The following KCMF1 variants were observed in gnomAD, a reference collection of about 807,000 sequenced individuals.
KCMF1 encodes the protein E3 ubiquitin-protein ligase KCMF1.
Under a neutral mutation model 41.1 loss-of-function variants are expected in KCMF1, and 3 were observed. The ratio of observed to expected loss-of-function variants is 0.07; its 90% CI spans 0.03 to 0.19. The LOEUF (loss-of-function observed/expected upper bound fraction) is 0.19. Ranked by LOEUF, KCMF1 falls within the 10% of genes least tolerant of loss-of-function variation. The probability of loss-of-function intolerance (pLI) is 1.00; values close to 1 mark genes in which losing one functional copy is unlikely to be tolerated. For missense variants in KCMF1, 286 were observed against 488.9 expected, an observed-to-expected ratio of 0.58 and a Z score of 3.91; for synonymous variants, 142 against 164.5, an observed-to-expected ratio of 0.86 and a Z score of 1.04.
At chr2:85,011,994 G>C (rs1674664404) in intron 1 of KCMF1, among the ~76,000 whole-genome samples, 1 of 152,200 alleles carries the variant, frequency 6.6e-6, no homozygotes, top group Admixed American at 6.5e-5. Context: ...CCATTTCCTA[G>C]ACCCAGCAGA....
intron 1 of KCMF1, among the ~76,000 whole-genome samples, chr2:84,990,652 TA>T (rs111732751): frequency 0.15 from 21,801 of 145,814 alleles, 2,293 homozygotes; most frequent in East Asian, 0.35. Flanking sequence ...CTGTTTTAAT[TA>T]AAAAAAAAAA....
At chr2:85,019,788 A>G (rs2104016211) in intron 1 of KCMF1, among the ~76,000 whole-genome samples, 1 of 151,902 alleles carries the variant, frequency 6.6e-6, no homozygotes, top group African/African-American at 2.4e-5. Context: ...GTATATATAT[A>G]CGTATATATG....
chr2:85,024,650 CTACTT>C (rs1237826315), intron 1 of KCMF1, among the ~76,000 whole-genome samples: 1 of 150,956 alleles, frequency 6.6e-6, no homozygotes, highest in African/African-American at 2.4e-5. Context: ...AAATTGTTTT[CTACTT>C]TAGACTCATA....
At chr2:84,999,772 A>G (rs1674282655) in intron 1 of KCMF1, among the ~76,000 whole-genome samples, 1 of 152,218 alleles carries the variant, frequency 6.6e-6, no homozygotes, top group Non-Finnish European at 1.5e-5. Context: ...TACTTTCCAC[A>G]TGGAAAAATA....
chr2:85,004,302 G>A (rs928394505), intron 1 of KCMF1, among the ~76,000 whole-genome samples: 2 of 152,088 alleles, frequency 1.3e-5, no homozygotes, highest in African/African-American at 4.8e-5. Flanking sequence ...ACGATGTCAG[G>A]AGATTGAGAC....
rs886578458 is a variant in KCMF1 at position 85,018,723 on chromosome 2, G to C, written c.17-9166G>C. Among the ~76,000 whole-genome samples, 8 of 151,144 alleles carry C rather than the reference G, an allele frequency of 5.3e-5. No individual in the cohort carries two copies. In the South Asian group the frequency reaches 6.2e-4, roughly 12 times the overall value. Reference sequence around the variant, plus strand: ...TATCTAGACAACTAGTGGTTATTCAGCTTTGCCTCTCAAGGCATTATTTTA... The same window carrying C: ...TATCTAGACAACTAGTGGTTATTCACCTTTGCCTCTCAAGGCATTATTTTA... On this transcript the variant is annotated intron_variant, in intron 1 of 6. Coordinates refer to ENST00000409785, the MANE Select transcript of KCMF1 (RefSeq NM_020122.5).
At chr2:84,978,505 T>G (rs1347073140) in intron 1 of KCMF1, among the ~76,000 whole-genome samples, 1 of 151,886 alleles carries the variant, frequency 6.6e-6, no homozygotes, top group Non-Finnish European at 1.5e-5. Flanking sequence ...TTTTGGGTTT[T>G]TTTTTTTTTA....
intron 3 of KCMF1, among the ~76,000 whole-genome samples, chr2:85,042,620 C>G (rs963012035): frequency 6.6e-6 from 1 of 152,154 alleles, no homozygotes; most frequent in Non-Finnish European, 1.5e-5. Flanking sequence ...TGGTCATGCC[C>G]CTTGCTTCAG....
chr2:85,024,885 C>T (rs774355866), intron 1 of KCMF1, among the ~76,000 whole-genome samples: 4 of 152,128 alleles, frequency 2.6e-5, no homozygotes, highest in Non-Finnish European at 5.9e-5. Context: ...CAGATTTCAA[C>T]ATCTGTTTCT....
intron 1 of KCMF1, among the ~76,000 whole-genome samples, chr2:84,990,927 C>T (rs1015493641): frequency 1.3e-5 from 2 of 152,096 alleles, no homozygotes; most frequent in Non-Finnish European, 2.9e-5. Flanking sequence ...TTGATTCTTG[C>T]TCAAAACCCA....
chr2:85,052,137 T>A (rs1033452877), intron 6 of KCMF1, among the ~76,000 whole-genome samples: 1 of 152,238 alleles, frequency 6.6e-6, no homozygotes. Context: ...TGGCACGATC[T>A]CGGCTCACTG....
At chr2:85,020,180 C>G (rs1467132125) in intron 1 of KCMF1, among the ~76,000 whole-genome samples, 3 of 152,176 alleles carry the variant, frequency 2.0e-5, no homozygotes, top group African/African-American at 7.2e-5. Flanking sequence ...TTCATCTATA[C>G]TTGCCAGTAG....
At chr2:85,004,016 G>A (rs1408514160) in intron 1 of KCMF1, among the ~76,000 whole-genome samples, 1 of 152,144 alleles carries the variant, frequency 6.6e-6, no homozygotes, top group East Asian at 1.9e-4. Context: ...CTGATAACCA[G>A]CTGCTAAGTG....
chr2:84,987,157 A>C (rs549516843), intron 1 of KCMF1, among the ~76,000 whole-genome samples: 3 of 152,328 alleles, frequency 2.0e-5, no homozygotes, highest in East Asian at 3.9e-4. Context: ...GGTGGGAGCA[A>C]GGTAGATAAG....
intron 1 of KCMF1, among the ~76,000 whole-genome samples, chr2:85,008,120 G>C (rs1674516966): frequency 6.6e-6 from 1 of 150,866 alleles, no homozygotes; most frequent in Admixed American, 6.7e-5. Context: ...CTGAACCTCT[G>C]TTCCTAGAGG....
rs181326049 is a variant in KCMF1 at position 84,980,912 on chromosome 2, A to G, written c.16+9445A>G. 2.2e-3 allele frequency among the ~76,000 whole-genome samples: 338 copies of G among 152,102 alleles called. 1 individual carries two copies. Among genetic ancestry groups the G allele is most frequent in the African/African-American group, 7.5e-3 (312 of 41,490 alleles). On this transcript the variant is annotated intron_variant, in intron 1 of 6. Transcript: ENST00000409785. ...TGCCTCGGCCTCACAATGTGCTGGG[A>G]TTATAGGTGTGAAGCACCACACCCA...
chr2:84,982,389 CTTTTTTTTTTTTTTTTTTT>C (rs34687477), intron 1 of KCMF1, among the ~76,000 whole-genome samples: 28 of 47,268 alleles, frequency 5.9e-4, no homozygotes, highest in Middle Eastern at 0.045. Flanking sequence ...TCCTTATTTT[CTTTTTTTTTTTTTTTTTTT>C]TTTTTTTTTT....
At chr2:85,039,577 T>C (rs1168911778) in intron 3 of KCMF1, among the ~76,000 whole-genome samples, 1 of 152,196 alleles carries the variant, frequency 6.6e-6, no homozygotes, top group Non-Finnish European at 1.5e-5. Flanking sequence ...TGTGCTATAA[T>C]GTGTCCTAAC....
intron 1 of KCMF1, among the ~76,000 whole-genome samples, chr2:84,998,557 A>G (rs574151376): frequency 1.1e-4 from 17 of 152,072 alleles, no homozygotes; most frequent in African/African-American, 4.1e-4. Flanking sequence ...CAACCCTGTC[A>G]GAGCCAACGC....
Sources: gnomAD v4.1 joint callset for allele counts (sites outside exome capture counted in the v4.1 genomes callset) on GRCh38, gnomAD v4.1.1 for gene constraint, MANE v1.5 for transcripts, NCBI Gene and HGNC (gene_info 2026-07-23, HGNC 2026-07-21) for gene names.